GPR176: variants seen among roughly 807,000 people sequenced by gnomAD.
The protein encoded by GPR176 is G-protein coupled receptor 176.
A neutral mutation model predicts 35.4 loss-of-function variants in GPR176; 26 were observed. The observed-to-expected ratio is 0.74, with a 90% CI of 0.54 to 1.02. GPR176 has a LOEUF of 1.02. Among genes scored for constraint, GPR176 ranks in the 50% least tolerant of loss-of-function variants. GPR176 has a pLI of 0.00. For synonymous variants in GPR176, 278 were observed against 271.3 expected (o/e 1.02, Z -0.24); for missense variants, 597 against 665.3 (o/e 0.90, Z 1.13).
At chr15:39,826,758 A>G (rs2140820325) in intron 1 of GPR176, among the ~76,000 whole-genome samples, 1 of 152,300 alleles carries the variant, frequency 6.6e-6, no homozygotes, top group South Asian at 2.1e-4. Flanking sequence ...CCTGGAGTAA[A>G]CAGAAGCCAG....
At position 39,869,135 on chromosome 15, in the gene GPR176, T is replaced by G. The variant is rs74381733; in HGVS notation, c.172+50720A>C. 3.1e-3 allele frequency among the ~76,000 whole-genome samples: 429 copies of G among 140,502 alleles called. 3 individuals are homozygous for G. Among genetic ancestry groups the G allele is most frequent in the African/African-American group, 0.011 (413 of 37,200 alleles). The allele number at this position is 140,502 out of a possible 152,430, so 92.2% of individuals were successfully genotyped here. A position where few individuals can be genotyped will look rare whatever the true frequency, so the allele number is the denominator to read the frequency against. On this transcript the variant is annotated intron_variant, in intron 1 of 2. Coordinates refer to ENST00000561100, the MANE Select transcript of GPR176 (RefSeq NM_007223.3). ...GTTCAAGTGGCAGCACTGTCCTTCA[T>G]TCCCACAACTGCTTTTTAAAAAAAA...
chr15:39,850,698 T>G (rs569583912), intron 1 of GPR176, among the ~76,000 whole-genome samples: 3 of 152,086 alleles, frequency 2.0e-5, no homozygotes, highest in Non-Finnish European at 2.9e-5. Context: ...ACTACAATAA[T>G]GCAAAATGTT....
chr15:39,883,757 G>GT (rs1286407083), intron 1 of GPR176, among the ~76,000 whole-genome samples: 1 of 152,090 alleles, frequency 6.6e-6, no homozygotes, highest in Non-Finnish European at 1.5e-5. Context: ...CGTTCACCAT[G>GT]TAATTATTTT....
At chr15:39,893,330 A>T (rs1415185383) in intron 1 of GPR176, among the ~76,000 whole-genome samples, 3 of 152,076 alleles carry the variant, frequency 2.0e-5, no homozygotes, top group African/African-American at 7.2e-5. Context: ...GCCTTCAAGC[A>T]TCTGTTTAAC....
intron 1 of GPR176, chr15:39,894,378 C>A: frequency 6.5e-6 from 1 of 154,012 alleles, no homozygotes. Context: ...CCACCTCCCT[C>A]CCGGACGGGG....
chr15:39,885,455 G>A (rs1457024400), intron 1 of GPR176, among the ~76,000 whole-genome samples: 3 of 152,156 alleles, frequency 2.0e-5, no homozygotes, highest in Non-Finnish European at 4.4e-5. Context: ...ATCACCTGGA[G>A]GTCTCCAAAG....
At chr15:39,828,835 A>G (rs896085150) in intron 1 of GPR176, among the ~76,000 whole-genome samples, 5 of 152,202 alleles carry the variant, frequency 3.3e-5, no homozygotes, top group African/African-American at 1.2e-4. Flanking sequence ...GGATGAGTTT[A>G]CAGTACAGCA....
At chr15:39,878,096 C>CTGTGTGTGTGTG (rs58251937) in intron 1 of GPR176, among the ~76,000 whole-genome samples, 13,950 of 129,834 alleles carry the variant, frequency 0.11, 1,026 homozygotes, top group Non-Finnish European at 0.13. Context: ...CCATAGTTAC[C>CTGTGTGTGTGTG]TGTGTGTGTG....
intron 2 of GPR176, among the ~76,000 whole-genome samples, chr15:39,802,753 C>T (rs187009136): frequency 6.6e-6 from 1 of 152,294 alleles, no homozygotes; most frequent in African/African-American, 2.4e-5. Flanking sequence ...CAGACTTATG[C>T]CACAGTCCAG....
At chr15:39,879,544 C>T (rs2640643) in intron 1 of GPR176, among the ~76,000 whole-genome samples, 151,658 of 152,272 alleles carry the variant, frequency 1, 75,529 homozygotes, top group Middle Eastern at 1. Context: ...GCTCAGAGCT[C>T]CCCCTCCTTG....
chr15:39,811,698 C>T (rs1168923415), intron 1 of GPR176, among the ~76,000 whole-genome samples: 5 of 152,038 alleles, frequency 3.3e-5, no homozygotes, highest in South Asian at 2.1e-4. Flanking sequence ...GGGCAGATCA[C>T]GAGGTCAGGA....
chr15:39,810,811 AG>A (rs1202215841), intron 1 of GPR176, among the ~76,000 whole-genome samples: 2 of 152,372 alleles, frequency 1.3e-5, no homozygotes, highest in African/African-American at 4.8e-5. Flanking sequence ...AAGCCTACAA[AG>A]GAACTTTTAC....
intron 1 of GPR176, among the ~76,000 whole-genome samples, chr15:39,820,137 T>C (rs1194668360): frequency 6.6e-6 from 1 of 152,162 alleles, no homozygotes; most frequent in Non-Finnish European, 1.5e-5. Context: ...CACTTTCTCC[T>C]GTCCCTGCAA....
intron 1 of GPR176, among the ~76,000 whole-genome samples, chr15:39,879,855 C>T (rs2032405667): frequency 6.6e-6 from 1 of 152,134 alleles, no homozygotes; most frequent in African/African-American, 2.4e-5. Flanking sequence ...CTTTCTACTC[C>T]CTCTTTGTTT....
chr15:39,827,200 G>A (rs1018421296), intron 1 of GPR176, among the ~76,000 whole-genome samples: 3 of 152,214 alleles, frequency 2.0e-5, no homozygotes, highest in Admixed American at 6.5e-5. Context: ...AGAAATGTAC[G>A]CACATGCAGT....
chr15:39,898,940 T>G (rs2033197074), intron 1 of GPR176, among the ~76,000 whole-genome samples: 2 of 152,036 alleles, frequency 1.3e-5, no homozygotes, highest in Admixed American at 1.3e-4. Flanking sequence ...AGGACACTGG[T>G]GAGTTTGTAA....
At chr15:39,812,798 G>C (rs894923087) in intron 1 of GPR176, among the ~76,000 whole-genome samples, 4 of 149,842 alleles carry the variant, frequency 2.7e-5, no homozygotes, top group Non-Finnish European at 5.9e-5. Flanking sequence ...CTGGAGTGCA[G>C]TGGCATGATC....
intron 1 of GPR176, among the ~76,000 whole-genome samples, chr15:39,893,256 C>T (rs1007840918): frequency 4.1e-4 from 62 of 152,188 alleles, no homozygotes; most frequent in Non-Finnish European, 5.3e-4. Context: ...TGCAGCCTTC[C>T]GCAGTGTTTG....
intron 1 of GPR176, among the ~76,000 whole-genome samples, chr15:39,918,757 T>C (rs994760847): frequency 1.3e-5 from 2 of 152,072 alleles, no homozygotes; most frequent in Non-Finnish European, 2.9e-5. Flanking sequence ...AGAAATACTA[T>C]GATAGAGTAA....
Sources: allele counts gnomAD v4.1 joint callset (sites outside exome capture counted in the v4.1 genomes callset), GRCh38; gene constraint gnomAD v4.1.1; transcripts MANE v1.5; gene names NCBI Gene and HGNC (gene_info 2026-07-23, HGNC 2026-07-21).